The following KCNIP4 variants were observed in gnomAD, a reference collection of about 807,000 sequenced individuals.
The protein encoded by KCNIP4 is potassium voltage-gated channel interacting protein 4, also known as Kv channel-interacting protein 4.
KCNIP4 carries 12 observed loss-of-function variants against 34.0 expected under a neutral mutation model. The observed-to-expected ratio is 0.35, with a 90% confidence interval of 0.23 to 0.57. KCNIP4 has a LOEUF of 0.57. Among genes scored for constraint, KCNIP4 ranks in the 20% least tolerant of loss-of-function variants. The pLI, the probability that KCNIP4 is intolerant of heterozygous loss-of-function variation, is 0.83. For synonymous variants in KCNIP4, 124 were observed against 102.2 expected, an observed-to-expected ratio of 1.21 and a Z score of -1.29; for missense variants, 238 against 311.7, an observed-to-expected ratio of 0.76 and a Z score of 1.78.
intron 1 of KCNIP4, among the ~76,000 whole-genome samples, chr4:21,840,441 T>C (rs891997841): frequency 3.3e-5 from 5 of 152,248 alleles, no homozygotes; most frequent in East Asian, 1.9e-4. Context: ...AATATGCATT[T>C]TGAGGAAGAG....
chr4:21,420,672 C>T (rs915582788), intron 1 of KCNIP4, among the ~76,000 whole-genome samples: 1 of 152,132 alleles, frequency 6.6e-6, no homozygotes, highest in African/African-American at 2.4e-5. Flanking sequence ...ATTTTAAGAC[C>T]TTACCTTCTG....
At chr4:21,610,353 T>G (rs1189271790) in intron 1 of KCNIP4, among the ~76,000 whole-genome samples, 1 of 152,208 alleles carries the variant, frequency 6.6e-6, no homozygotes, top group Non-Finnish European at 1.5e-5. Flanking sequence ...TGTCTTCACA[T>G]TGTCTTCCTT....
chr4:21,476,634 AC>A (rs1264253900), intron 1 of KCNIP4, among the ~76,000 whole-genome samples: 1 of 152,174 alleles, frequency 6.6e-6, no homozygotes, highest in Non-Finnish European at 1.5e-5. Flanking sequence ...CTTTACGGCA[AC>A]CCAATAAATC....
At chr4:21,015,588 ATATAG>A (rs1288932070) in intron 1 of KCNIP4, among the ~76,000 whole-genome samples, 19 of 129,736 alleles carry the variant, frequency 1.5e-4, no homozygotes, top group African/African-American at 5.9e-4. Flanking sequence ...ATATAATATA[ATATAG>A]TATATTGTAT....
intron 1 of KCNIP4, among the ~76,000 whole-genome samples, chr4:21,060,597 C>T (rs907860103): frequency 9.2e-5 from 14 of 152,096 alleles, no homozygotes; most frequent in Non-Finnish European, 1.6e-4. Flanking sequence ...TTACCTGCTC[C>T]GGTTGCATAT....
chr4:21,466,798 A>G (rs184870769), intron 1 of KCNIP4, among the ~76,000 whole-genome samples: 1 of 152,246 alleles, frequency 6.6e-6, no homozygotes, highest in East Asian at 1.9e-4. Flanking sequence ...TTCTTCAGCA[A>G]GCATGGCCTC....
chr4:21,261,733 A>G (rs945439799), intron 1 of KCNIP4, among the ~76,000 whole-genome samples: 14 of 152,144 alleles, frequency 9.2e-5, no homozygotes, highest in African/African-American at 2.9e-4. Flanking sequence ...TACGTCTACA[A>G]TACAAGCTAG....
chr4:20,730,277 C>A, intron 8 of KCNIP4, 148 bp from the exon 9 acceptor site: 1 of 993,462 alleles, frequency 1.0e-6, no homozygotes, highest in Non-Finnish European at 1.4e-6. Flanking sequence ...AATGTAAATG[C>A]CATTCTATTC....
At chr4:21,046,703 T>C (rs916373683) in intron 1 of KCNIP4, among the ~76,000 whole-genome samples, 14 of 152,128 alleles carry the variant, frequency 9.2e-5, no homozygotes, top group African/African-American at 2.9e-4. Flanking sequence ...GCAGTTCTCC[T>C]GCCTTGGCCC....
chr4:21,067,053 T>C (rs959235086), intron 1 of KCNIP4, among the ~76,000 whole-genome samples: 2 of 152,148 alleles, frequency 1.3e-5, no homozygotes, highest in Admixed American at 1.3e-4. Context: ...GCAACTTGGA[T>C]ACCAGCTCAG....
intron 1 of KCNIP4, among the ~76,000 whole-genome samples, chr4:21,332,521 T>C (rs1715757926): frequency 6.6e-6 from 1 of 151,942 alleles, no homozygotes; most frequent in Non-Finnish European, 1.5e-5. Flanking sequence ...AAACCTCCCT[T>C]CAATCCCCTC....
intron 1 of KCNIP4, among the ~76,000 whole-genome samples, chr4:20,927,452 G>T (rs929374445): frequency 1.3e-5 from 2 of 152,154 alleles, no homozygotes; most frequent in African/African-American, 4.8e-5. Flanking sequence ...GCATGCAGCT[G>T]CCAGGACTAC....
At chr4:21,047,397 T>C (rs977680460) in intron 1 of KCNIP4, among the ~76,000 whole-genome samples, 3 of 152,216 alleles carry the variant, frequency 2.0e-5, no homozygotes, top group Admixed American at 6.5e-5. Flanking sequence ...TAGCTACCAT[T>C]TCATTGAGTG....
chr4:20,947,563 C>G (rs1045512069), intron 1 of KCNIP4, among the ~76,000 whole-genome samples: 3 of 152,152 alleles, frequency 2.0e-5, no homozygotes, highest in African/African-American at 7.2e-5. Flanking sequence ...ATTTCATCCT[C>G]CTAGTACTTA....
chr4:20,752,411 A>C (rs752230629), intron 4 of KCNIP4, among the ~76,000 whole-genome samples: 2 of 152,200 alleles, frequency 1.3e-5, no homozygotes, highest in African/African-American at 4.8e-5. Flanking sequence ...AAGTGTTTAG[A>C]AATAATCCTA....
At chr4:21,269,715 G>A (rs1345182308) in intron 1 of KCNIP4, among the ~76,000 whole-genome samples, 1 of 152,094 alleles carries the variant, frequency 6.6e-6, no homozygotes, top group African/African-American at 2.4e-5. Context: ...TTAGAGTGCT[G>A]GGTGAATACT....
chr4:20,730,421 A>G (rs1276444129), intron 8 of KCNIP4, among the ~76,000 whole-genome samples: 2 of 152,308 alleles, frequency 1.3e-5, no homozygotes, highest in South Asian at 2.1e-4. Flanking sequence ...CATAATGCCA[A>G]AATGGAAACT....
At chr4:21,859,691 C>A (rs1267091048) in intron 1 of KCNIP4, among the ~76,000 whole-genome samples, 2 of 151,868 alleles carry the variant, frequency 1.3e-5, no homozygotes, top group Non-Finnish European at 2.9e-5. Flanking sequence ...TCTACTTCTG[C>A]AACTAGAGAG....
At chr4:21,532,250 A>G (rs1736741930) in intron 1 of KCNIP4, among the ~76,000 whole-genome samples, 1 of 152,172 alleles carries the variant, frequency 6.6e-6, no homozygotes, top group Non-Finnish European at 1.5e-5. Flanking sequence ...TCTGAGGTTA[A>G]TAATTATTAC....
Sources: gnomAD v4.1 joint callset for allele counts (sites outside exome capture counted in the v4.1 genomes callset) on GRCh38, gnomAD v4.1.1 for gene constraint, MANE v1.5 for transcripts, NCBI Gene and HGNC (gene_info 2026-07-23, HGNC 2026-07-21) for gene names.